The following POLI variants were observed in gnomAD, a reference collection of about 807,000 sequenced individuals.
POLI encodes the protein DNA polymerase iota, also known as RAD30 homolog B.
Under a neutral mutation model 51.6 loss-of-function variants are expected in POLI, and 58 were observed. The ratio of observed to expected loss-of-function variants is 1.12; its 90% CI spans 0.91 to 1.40. The LOEUF is 1.40. POLI is among the 40% of genes most tolerant of loss of function. POLI has a pLI of 0.00. For missense variants in POLI, 921 were observed against 871.3 expected (o/e 1.06, Z -0.72); for synonymous variants, 322 against 299.7 (o/e 1.07, Z -0.77).
At chr18:54,270,559 A>C (rs1403235717) in intron 1 of POLI, 3 of 152,236 alleles carry the variant, frequency 2.0e-5, no homozygotes, top group Admixed American at 2.0e-4. Flanking sequence ...CTAGGAAATT[A>C]ACATTGGTAT....
At chr18:54,287,199 C>T (rs1053814355) in intron 7 of POLI, 82 bp from the exon 8 acceptor site, 3 of 1,009,006 alleles carry the variant, frequency 3.0e-6, no homozygotes, top group African/African-American at 1.6e-5. Context: ...AAATCTGGCA[C>T]CTTTAGATAA....
At chr18:54,287,959 T>C (rs958246740) in intron 8 of POLI, among the ~76,000 whole-genome samples, 6 of 152,216 alleles carry the variant, frequency 3.9e-5, no homozygotes, top group Non-Finnish European at 7.3e-5. Flanking sequence ...ATAACTTCTT[T>C]ATGGGCATTT....
intron 5 of POLI, among the ~76,000 whole-genome samples, 190 bp downstream of exon 5, chr18:54,281,093 G>T (rs1175942582): frequency 6.6e-6 from 1 of 151,988 alleles, no homozygotes; most frequent in African/African-American, 2.4e-5. Context: ...AGCAAATTTG[G>T]ATTAAGAAAT....
chr18:54,272,537 T>C (rs2087051055), intron 2 of POLI, among the ~76,000 whole-genome samples: 1 of 152,096 alleles, frequency 6.6e-6, no homozygotes. Context: ...AGTGGTGCGA[T>C]CTTGGCTTAC....
At chr18:54,308,026 C>T (rs1017308141) in intron 3 of POLI, among the ~76,000 whole-genome samples, 3 of 152,030 alleles carry the variant, frequency 2.0e-5, no homozygotes, top group African/African-American at 7.3e-5. Context: ...TGGGTCTTGA[C>T]TCTTTATCCA....
chr18:54,280,821 T>C lies in POLI; in HGVS notation c.714T>C (p.Phe238=), dbSNP rs150177922. ...KLLAKLVSGV[F]KPNQQTVLLP... is the part of the protein sequence containing the mutation. Reference sequence around the variant, plus strand: ...TGGCAAAATTAGTTTCTGGTGTCTTTAAACCAAATCAACAAACAGTCTTAT... The same window carrying C: ...TGGCAAAATTAGTTTCTGGTGTCTTCAAACCAAATCAACAAACAGTCTTAT... Residue 238 remains phenylalanine (F), a synonymous_variant, in exon 5 of 10, where the codon TTT becomes TTC. Coordinates refer to ENST00000579534, the MANE Select transcript of POLI (RefSeq NM_007195.3). The C allele has an allele frequency of 1.2e-5, 20 of 1,613,650 alleles. No individual in the cohort carries two copies. In the African/African-American group the frequency reaches 2.5e-4, roughly 20 times the overall value.
chr18:54,297,015 A>G lies in POLI; in HGVS notation c.*2548A>G. On this transcript the variant is annotated 3_prime_UTR_variant, in exon 10 of 10. Coordinates refer to ENST00000579534, the MANE Select transcript of POLI (RefSeq NM_007195.3). ...TAAATTGTGTATGTTTTCCTTCAGT[A>G]TGATTTGAGTTCGTTGCTTCTCTGG... The G allele has an allele frequency of 1.0e-6, 1 of 985,408 alleles. No homozygotes were observed. Among genetic ancestry groups the G allele is most frequent in the Non-Finnish European group, 1.2e-6 (1 of 829,926 alleles). 61.0% of individuals were successfully genotyped at this position (985,408 alleles called of 1,614,324 possible).
chr18:54,288,404 C>A (rs908833737), intron 8 of POLI, among the ~76,000 whole-genome samples: 2 of 152,088 alleles, frequency 1.3e-5, no homozygotes, highest in South Asian at 2.1e-4. Context: ...GTGTGGTATA[C>A]GGTAAGGGTC....
At chr18:54,283,045 ACTGG>A in intron 6 of POLI, 30 bp downstream of exon 6, 1 of 1,340,444 alleles carries the variant, frequency 7.5e-7, no homozygotes, top group South Asian at 1.3e-5. Context: ...TTAATTAAGT[ACTGG>A]TTATCACATT....
At position 54,296,057 on chromosome 18, in the gene POLI, A is replaced by G; in HGVS notation, c.*1590A>G. On this transcript the variant is annotated 3_prime_UTR_variant, in exon 10 of 10. Coordinates refer to ENST00000579534, the MANE Select transcript of POLI (RefSeq NM_007195.3). Reference sequence around the variant, plus strand: ...GAAGCAAGAACATCAGAAATTGTTCACCATGCAAATATTTAGTACTCTGAA... The same window carrying G: ...GAAGCAAGAACATCAGAAATTGTTCGCCATGCAAATATTTAGTACTCTGAA... 8.1e-6 allele frequency: 8 copies of G among 985,164 alleles called. No homozygotes were observed. The highest frequency in any genetic ancestry group is 9.6e-6 in the Non-Finnish European group (8 of 829,656). 61.0% of individuals were successfully genotyped at this position (985,164 alleles called of 1,614,324 possible). A position where few individuals can be genotyped will look rare whatever the true frequency, so the allele number is the denominator to read the frequency against.
At chr18:54,310,819 A>G (rs2144645683) in intron 3 of POLI, among the ~76,000 whole-genome samples, 1 of 152,360 alleles carries the variant, frequency 6.6e-6, no homozygotes, top group East Asian at 1.9e-4. Flanking sequence ...AGTGTAGTGA[A>G]TTAAATGCTT....
At position 54,292,509 on chromosome 18, in the gene POLI, T is replaced by A. The variant is rs189773142; in HGVS notation, c.1404+471T>A. 2.5e-4 allele frequency among the ~76,000 whole-genome samples: 38 copies of A among 152,228 alleles called. No homozygotes were observed. In the East Asian group the frequency reaches 7.1e-3, roughly 29 times the overall value. On this transcript the variant is annotated intron_variant, in intron 9 of 9. Coordinates refer to ENST00000579534, the MANE Select transcript of POLI (RefSeq NM_007195.3). ...TTGATAGATTTGACTACTGATTTCA[T>A]AGTTGTAAAGTTAACAGTGTGGCAA... is the stretch of plus-strand genomic sequence containing the variant.
Position 54,305,797 on chromosome 18 carries a change from C to T in POLI, c.334-14476C>T, listed in dbSNP as rs145810093. Among the ~76,000 whole-genome samples, 655 of 151,930 alleles carry T rather than the reference C, an allele frequency of 4.3e-3. 10 individuals are homozygous for T. Among genetic ancestry groups the T allele is most frequent in the African/African-American group, 0.015 (640 of 41,406 alleles). On this transcript the variant is annotated intron_variant, in intron 3 of 4. Coordinates refer to the POLI transcript ENST00000579823. ...TTTTTGAAACAGAGTCTCGCTCTGT[C>T]ACCCAGGCTGGAGTGCAGTGGTGCT...
chr18:54,319,503 A>C (rs1265923630), intron 3 of POLI, among the ~76,000 whole-genome samples: 2 of 152,170 alleles, frequency 1.3e-5, no homozygotes, highest in African/African-American at 4.8e-5. Flanking sequence ...TAATGTCTGA[A>C]TATCTGAAAG....
rs1328851696 is a variant in POLI at position 54,291,867 on chromosome 18, A to G, written c.1233A>G (p.Ile411Met). Residue 411 changes from isoleucine (I) to methionine (M), a missense_variant, in exon 9 of 10, where the codon ATA (isoleucine) becomes ATG (methionine). By Grantham distance (10) the Ile-to-Met change is conservative (BLOSUM62 1). Transcript: ENST00000579534. ...ATGTGATGACCCCAATGGTTGATAT[A>G]CTTATGAAACTTTTTCGAAATATGG... ...NYDVMTPMVD[I>M]LMKLFRNMVN... 1.2e-6 allele frequency: 2 copies of G among 1,600,392 alleles called. No homozygotes were observed. Among genetic ancestry groups the G allele is most frequent in the Admixed American group, 1.7e-5 (1 of 59,896 alleles).
chr18:54,273,274 T>C (rs557557933), intron 2 of POLI, among the ~76,000 whole-genome samples: 87 of 151,870 alleles, frequency 5.7e-4, no homozygotes, highest in African/African-American at 2.0e-3. Context: ...GTTTTATATA[T>C]TTTATATACA....
intron 8 of POLI, chr18:54,291,550 T>C (rs942381996): frequency 1.8e-5 from 4 of 218,886 alleles, no homozygotes; most frequent in Admixed American, 1.7e-4. Flanking sequence ...CATTTCCAGA[T>C]TTCCACCAAA....
intron 3 of POLI, among the ~76,000 whole-genome samples, chr18:54,305,953 T>A (rs1356426278): frequency 2.0e-5 from 3 of 151,972 alleles, no homozygotes; most frequent in Non-Finnish European, 2.9e-5. Flanking sequence ...AGATACGGGG[T>A]TTCACTGTGT....
Position 54,305,636 on chromosome 18 carries a change from T to C in POLI, c.334-14637T>C, listed in dbSNP as rs566159686. 3.3e-4 allele frequency among the ~76,000 whole-genome samples: 48 copies of C among 145,962 alleles called. 11 individuals carry two copies. The South Asian group carries it at 0.01, about 32-fold the overall frequency. On this transcript the variant is annotated intron_variant, in intron 3 of 4. Transcript: ENST00000579823. The stretch of plus-strand genomic sequence containing the variant: ...TGTCCTGAGACTTTGCTGAAGTTGC[T>C]TATCAGCTTAAGGAGGTTTTGGGCT...
Sources: allele counts gnomAD v4.1 joint callset (sites outside exome capture counted in the v4.1 genomes callset), GRCh38; gene constraint gnomAD v4.1.1; transcripts MANE v1.5; gene names NCBI Gene and HGNC (gene_info 2026-07-23, HGNC 2026-07-21).